SPECC1L: variants seen among roughly 807,000 people sequenced by gnomAD.
The protein encoded by SPECC1L is cytospin-A.
Under a neutral mutation model 116.8 loss-of-function variants are expected in SPECC1L, and 40 were observed. The ratio of observed to expected loss-of-function variants is 0.34; its 90% CI spans 0.27 to 0.45. The LOEUF is 0.45. SPECC1L is among the 20% of genes least tolerant of loss of function. The pLI is 1.00. For synonymous variants in SPECC1L, 504 were observed against 500.6 expected, an observed-to-expected ratio of 1.01 and a Z score of -0.09; for missense variants, 1,110 against 1,373.6, an observed-to-expected ratio of 0.81 and a Z score of 3.03.
chr22:24,292,188 G>A (rs1352632773), intron 2 of SPECC1L, among the ~76,000 whole-genome samples: 1 of 152,192 alleles, frequency 6.6e-6, no homozygotes, highest in African/African-American at 2.4e-5. Flanking sequence ...GACAATTTGT[G>A]TTGTCCTCTA....
At chr22:24,346,249 G>A (rs1298157336) in intron 10 of SPECC1L, among the ~76,000 whole-genome samples, 3 of 151,954 alleles carry the variant, frequency 2.0e-5, no homozygotes, top group Admixed American at 6.6e-5. Flanking sequence ...ATCATGATCC[G>A]CCCACCTCAG....
At chr22:24,336,287 ATG>A (rs955097990) in intron 9 of SPECC1L, among the ~76,000 whole-genome samples, 1 of 151,748 alleles carries the variant, frequency 6.6e-6, no homozygotes, top group African/African-American at 2.4e-5. Context: ...ATATACCTAT[ATG>A]TGTGTGTGTA....
Position 24,288,866 on chromosome 22 carries a change from C to T in SPECC1L, c.-38+12063C>T, listed in dbSNP as rs1473245211. Among the ~76,000 whole-genome samples, 9 of 152,190 alleles carry T rather than the reference C, an allele frequency of 5.9e-5. No individual in the cohort carries two copies. In the South Asian group the frequency reaches 6.2e-4, roughly 11 times the overall value. ...GTCTTGAACTCCTGACCTTGTGATC[C>T]GCCTGCCTTGGCCTCCCAAAGTGCT... On this transcript the variant is annotated intron_variant, in intron 2 of 16. Coordinates refer to ENST00000314328, the MANE Select transcript of SPECC1L (RefSeq NM_015330.6).
rs755153825 is a variant in SPECC1L at position 24,330,275 on chromosome 22, G to A, written c.2240G>A (p.Arg747Gln). 4 of 1,614,072 alleles carry A rather than the reference G, an allele frequency of 2.5e-6. No individual in the cohort carries two copies. The highest frequency in any genetic ancestry group is 2.2e-5 in the East Asian group (1 of 44,876). ...RRLREESAEW[R>Q]QFQADLQTAV... ...ATATAGGAAGAATCTGCGGAATGGC[G>A]GCAGTTTCAGGCTGATCTCCAGACT... is the stretch of plus-strand genomic sequence containing the variant. Residue 747 changes from arginine (R) to glutamine (Q), a missense_variant, in exon 8 of 17, where the codon CGG (arginine) becomes CAG (glutamine). By Grantham distance (43) the Arg-to-Gln change is conservative. Transcript: ENST00000314328.
intron 3 of SPECC1L, among the ~76,000 whole-genome samples, chr22:24,309,812 T>C (rs1280745203): frequency 6.6e-6 from 1 of 152,218 alleles, no homozygotes; most frequent in Non-Finnish European, 1.5e-5. Context: ...TGAAATACAG[T>C]TAGTCTGTTT....
chr22:24,357,642 G>C (rs2041558492), intron 11 of SPECC1L, among the ~76,000 whole-genome samples: 1 of 152,184 alleles, frequency 6.6e-6, no homozygotes, highest in Admixed American at 6.5e-5. Context: ...GTCTTTAAAT[G>C]TGGGAGTTTG....
intron 5 of SPECC1L, among the ~76,000 whole-genome samples, chr22:24,323,429 G>C (rs996179593): frequency 6.6e-6 from 1 of 152,150 alleles, no homozygotes; most frequent in Middle Eastern, 3.2e-3. Context: ...TTTATTGCTG[G>C]CAGGGACCTT....
In SPECC1L at chr22:24,347,095, A is replaced by G. The variant is rs200858193; in HGVS notation, c.2662A>G (p.Ile888Val). The change falls in exon 11 of 17, where the codon ATA becomes GTA. Residue 888 changes from isoleucine (I) to valine (V), a missense_variant. Physicochemically the swap from Ile to Val is conservative, Grantham distance 29. Around this residue, in one of 4 missense-constraint regions of SPECC1L, gnomAD observed 575 missense variants for 682.4 expected, o/e 0.84. Coordinates refer to ENST00000314328, the MANE Select transcript of SPECC1L (RefSeq NM_015330.6). ...AAVSPMQRHS[I>V]SGPISTSKPL... ...TATCTTATGATTTCAGAGACATTCC[A>G]TAAGTGGACCAATCTCAACATCCAA... The G allele has an allele frequency of 1.5e-5, 24 of 1,613,630 alleles. No individual in the cohort carries two copies. The highest frequency in any genetic ancestry group is 1.6e-4 in the Middle Eastern group (1 of 6,082).
intron 14 of SPECC1L, among the ~76,000 whole-genome samples, chr22:24,374,890 T>A (rs1246283858): frequency 6.2e-5 from 9 of 146,224 alleles, no homozygotes; most frequent in Non-Finnish European, 1.2e-4. Flanking sequence ...ATAGAGAAGA[T>A]CAATGAAAAA....
intron 14 of SPECC1L, among the ~76,000 whole-genome samples, chr22:24,372,101 G>A (rs1189797948): frequency 1.3e-5 from 2 of 152,116 alleles, no homozygotes; most frequent in Non-Finnish European, 2.9e-5. Context: ...CCTTAAGGAA[G>A]TAGACCAATA....
At chr22:24,401,692 G>A (rs934414427) in intron 14 of SPECC1L, among the ~76,000 whole-genome samples, 24 of 152,200 alleles carry the variant, frequency 1.6e-4, no homozygotes, top group Admixed American at 1.4e-3. Flanking sequence ...ACTCACCGAT[G>A]TCACATTTTA....
intron 2 of SPECC1L, among the ~76,000 whole-genome samples, chr22:24,282,767 T>A (rs77943168): frequency 6.6e-6 from 1 of 151,192 alleles, no homozygotes; most frequent in African/African-American, 2.4e-5. Context: ...GTGAGTTACA[T>A]TGAGTTTTGA....
chr22:24,348,907 C>T (rs757015486), intron 11 of SPECC1L, among the ~76,000 whole-genome samples: 3 of 152,204 alleles, frequency 2.0e-5, no homozygotes, highest in Non-Finnish European at 4.4e-5. Context: ...TGATGTGACC[C>T]GTCAGCAGCA....
At chr22:24,376,905 G>T (rs1002165281) in intron 14 of SPECC1L, among the ~76,000 whole-genome samples, 8 of 150,990 alleles carry the variant, frequency 5.3e-5, no homozygotes, top group Admixed American at 1.3e-4. Flanking sequence ...ATTTCAGTGG[G>T]TTTTTGTTTT....
intron 2 of SPECC1L, among the ~76,000 whole-genome samples, chr22:24,295,002 G>T (rs1294318592): frequency 1.3e-5 from 2 of 152,080 alleles, no homozygotes; most frequent in Non-Finnish European, 2.9e-5. Context: ...GTAAGAGATA[G>T]CCCTTTGTTT....
At chr22:24,341,337 T>C (rs2041173261) in intron 10 of SPECC1L, among the ~76,000 whole-genome samples, 2 of 152,176 alleles carry the variant, frequency 1.3e-5, no homozygotes, top group Admixed American at 1.3e-4. Flanking sequence ...AGGAACAATT[T>C]CCAGGAACAG....
intron 10 of SPECC1L, chr22:24,343,568 C>G (rs960362709): frequency 2.5e-6 from 1 of 407,700 alleles, no homozygotes; most frequent in African/African-American, 2.1e-5. Flanking sequence ...TCAAGTGATT[C>G]TCCTGCCTCA....
At chr22:24,284,225 T>G (rs2048999148) in intron 2 of SPECC1L, among the ~76,000 whole-genome samples, 1 of 152,146 alleles carries the variant, frequency 6.6e-6, no homozygotes, top group Admixed American at 6.5e-5. Flanking sequence ...TTCCCTTTAC[T>G]GCTTTAAGTT....
chr22:24,367,190 CTT>C (rs1204615529), intron 13 of SPECC1L, among the ~76,000 whole-genome samples: 6 of 152,188 alleles, frequency 3.9e-5, no homozygotes, highest in Non-Finnish European at 7.4e-5. Flanking sequence ...GAGACTCTGT[CTT>C]TAAAAAAGTG....
Sources: allele counts gnomAD v4.1 joint callset (sites outside exome capture counted in the v4.1 genomes callset), GRCh38; gene constraint gnomAD v4.1.1; regional missense constraint gnomAD v4.1.1; transcripts MANE v1.5; gene names NCBI Gene and HGNC (gene_info 2026-07-23, HGNC 2026-07-21).